Variants in ANO2 observed in about 807,000 individuals in gnomAD.
ANO2 encodes the protein anoctamin 2.
In ANO2, 101 loss-of-function variants were observed where a neutral mutation model predicts 124.2. The ratio of observed to expected loss-of-function variants is 0.81; its 90% CI spans 0.69 to 0.96. ANO2 has a LOEUF of 0.96. Ranked by LOEUF, ANO2 falls within the 40% of genes least tolerant of loss-of-function variation. ANO2 has a pLI of 0.00. For missense variants in ANO2, 1,293 were observed against 1,274.5 expected (o/e 1.01, Z -0.22); for synonymous variants, 486 against 482.5 (o/e 1.01, Z -0.09).
chr12:5,652,736 G>T (rs1946971355), intron 14 of ANO2, among the ~76,000 whole-genome samples: 2 of 152,080 alleles, frequency 1.3e-5, no homozygotes, highest in South Asian at 4.2e-4. Flanking sequence ...ACCACAGAGG[G>T]AAGGGGCCAT....
chr12:5,848,074 A>G (rs1954741107), intron 4 of ANO2, among the ~76,000 whole-genome samples: 1 of 152,208 alleles, frequency 6.6e-6, no homozygotes, highest in African/African-American at 2.4e-5. Context: ...TTACATCCTC[A>G]GTTTTATCCA....
chr12:5,693,162 C>T (rs1372202825), intron 14 of ANO2, among the ~76,000 whole-genome samples: 2 of 152,114 alleles, frequency 1.3e-5, no homozygotes, highest in Admixed American at 1.3e-4. Context: ...GCTGAAAAAT[C>T]ATCTAAATGT....
At chr12:5,772,461 TAAATGTTTAACTCA>T (rs1207125560) in intron 10 of ANO2, among the ~76,000 whole-genome samples, 1 of 152,232 alleles carries the variant, frequency 6.6e-6, no homozygotes, top group African/African-American at 2.4e-5. Flanking sequence ...AAAAACCAGT[TAAATGTTTAACTCA>T]AGGGGCAAAC....
intron 11 of ANO2, among the ~76,000 whole-genome samples, chr12:5,747,410 C>T (rs540154309): frequency 6.6e-6 from 1 of 152,112 alleles, no homozygotes; most frequent in Non-Finnish European, 1.5e-5. Context: ...TTCTGAGTTT[C>T]CATCAGACCC....
chr12:5,571,704 T>C (rs550464418), intron 23 of ANO2, among the ~76,000 whole-genome samples: 1 of 150,660 alleles, frequency 6.6e-6, no homozygotes, highest in East Asian at 1.9e-4. Flanking sequence ...CTCTTTCTTC[T>C]CTCTCTCTCT....
At chr12:5,945,279 C>T (rs1007895800), upstream of ANO2, 6 of 1,253,486 alleles carry the variant, frequency 4.8e-6, no homozygotes, top group African/African-American at 7.8e-5. Flanking sequence ...TATGCCGCCG[C>T]GGGGCTAATT....
At chr12:5,887,473 T>C (rs1591744593) in intron 3 of ANO2, among the ~76,000 whole-genome samples, 1 of 152,194 alleles carries the variant, frequency 6.6e-6, no homozygotes, top group Non-Finnish European at 1.5e-5. Flanking sequence ...TGCCCATGTT[T>C]CCCTGCTCCT....
intron 14 of ANO2, among the ~76,000 whole-genome samples, chr12:5,670,971 C>T (rs1947969267): frequency 1.3e-5 from 2 of 152,164 alleles, no homozygotes; most frequent in South Asian, 2.1e-4. Flanking sequence ...GAGGCAGAGT[C>T]GTGTCTAGAG....
chr12:5,819,871 A>C (rs995016704), intron 7 of ANO2, among the ~76,000 whole-genome samples: 3 of 152,196 alleles, frequency 2.0e-5, no homozygotes, highest in Admixed American at 6.5e-5. Context: ...CAACCATCAA[A>C]GGCAAGGTGG....
At chr12:5,564,411 C>T (rs1941624820) in intron 24 of ANO2, 1 of 152,480 alleles carries the variant, frequency 6.6e-6, no homozygotes, top group Non-Finnish European at 1.5e-5. Context: ...TTCCCCAGGC[C>T]ACACTTCACC....
At chr12:5,687,810 G>GCC (rs1013562662) in intron 14 of ANO2, among the ~76,000 whole-genome samples, 33 of 152,254 alleles carry the variant, frequency 2.2e-4, no homozygotes, top group Non-Finnish European at 3.2e-4. Flanking sequence ...GGGGAACAAG[G>GCC]CCCAGAGATG....
At chr12:5,714,685 T>G (rs1949950675) in intron 14 of ANO2, among the ~76,000 whole-genome samples, 1 of 152,216 alleles carries the variant, frequency 6.6e-6, no homozygotes, top group South Asian at 2.1e-4. Flanking sequence ...CTTCCTCCTC[T>G]TCTTCCCTTT....
In ANO2 at chr12:5,769,155, C is replaced by T. The variant is rs553481310; in HGVS notation, c.1056-18185G>A. Among the ~76,000 whole-genome samples the T allele has an allele frequency of 6.6e-6, 1 of 152,296 alleles. No individual in the cohort carries two copies. Among genetic ancestry groups the T allele is most frequent in the East Asian group, 1.9e-4 (1 of 5,186 alleles). On this transcript the variant is annotated intron_variant, in intron 10 of 24. Transcript: ENST00000682330. This position sits in a 1 kb window ranked among gnomAD's most constrained non-coding sequence, Gnocchi z 4.0. ...GAGGACCCTAGATTTACGACACTCT[C>T]CTGTGCTGTGCCACTTTTAAGAAGA...
chr12:5,661,537 C>A (rs116757952), intron 14 of ANO2, among the ~76,000 whole-genome samples: 208 of 152,204 alleles, frequency 1.4e-3, no homozygotes, highest in African/African-American at 4.9e-3. Context: ...GAAACACAGG[C>A]CTTCAGCCCA....
At chr12:5,810,947 C>T (rs1391345701) in intron 7 of ANO2, among the ~76,000 whole-genome samples, 1 of 152,220 alleles carries the variant, frequency 6.6e-6, no homozygotes, top group African/African-American at 2.4e-5. Flanking sequence ...AAAACACATA[C>T]TTGTCATACA....
At chr12:5,853,266 T>G (rs1286433204) in intron 4 of ANO2, among the ~76,000 whole-genome samples, 1 of 149,436 alleles carries the variant, frequency 6.7e-6, no homozygotes. Flanking sequence ...CCCAACAAAG[T>G]GCTGGGATTA....
chr12:5,577,984 CAG>C lies in ANO2; in HGVS notation c.2408_2409del (p.Ser803TrpfsTer64), dbSNP rs752592362. On this transcript the variant is annotated frameshift_variant, in exon 22 of 25. Transcript: ENST00000682330. LOFTEE classifies it high-confidence loss of function. ...CTGATAACAGAGAACTTGCCAATTC[CAG>C]AGAGAATGTCAAACCAGATTCCTAC... ...KDIGIWFDIL[S>X]GIGKFSVISN... 4 of 1,613,694 alleles carry C rather than the reference CAG, an allele frequency of 2.5e-6. No homozygotes were observed. Among genetic ancestry groups the C allele is most frequent in the African/African-American group, 2.7e-5 (2 of 74,916 alleles).
intron 10 of ANO2, among the ~76,000 whole-genome samples, chr12:5,770,767 C>G (rs947903886): frequency 2.0e-5 from 3 of 152,294 alleles, no homozygotes; most frequent in African/African-American, 4.8e-5. Flanking sequence ...ACCCAAAATA[C>G]TTTTCAGGAT....
chr12:5,656,056 T>A (rs1419238966), intron 14 of ANO2, among the ~76,000 whole-genome samples: 1 of 152,006 alleles, frequency 6.6e-6, no homozygotes, highest in Non-Finnish European at 1.5e-5. Context: ...ATAGTGGGAG[T>A]AAAACCAACA....
Sources: gnomAD v4.1 joint callset for allele counts (sites outside exome capture counted in the v4.1 genomes callset) on GRCh38, gnomAD v4.1.1 for gene constraint, Gnocchi (gnomAD v3.1) non-coding constraint, MANE v1.5 for transcripts, NCBI Gene and HGNC (gene_info 2026-07-23, HGNC 2026-07-21) for gene names.